Variants in PAG1 observed in about 807,000 individuals in gnomAD.
PAG1 encodes the protein phosphoprotein associated with glycosphingolipid-enriched microdomains 1.
In PAG1, 23 loss-of-function variants were observed where a neutral mutation model predicts 31.7. That is an observed-to-expected ratio of 0.73 (90% CI 0.52 to 1.03). The LOEUF is 1.03. Ranked by LOEUF, PAG1 falls within the 50% of genes least tolerant of loss-of-function variation. PAG1 has a pLI of 0.00. For missense variants in PAG1, 473 were observed against 540.7 expected, an observed-to-expected ratio of 0.87 and a Z score of 1.24; for synonymous variants, 214 against 210.3, an observed-to-expected ratio of 1.02 and a Z score of -0.15.
In PAG1 at chr8:80,967,925, A is replaced by G. The variant is rs1273076681; in HGVS notation, c.*8619T>C. On this transcript the variant is annotated 3_prime_UTR_variant, in exon 9 of 9. Coordinates refer to ENST00000220597, the MANE Select transcript of PAG1 (RefSeq NM_018440.4). ...TAATCATACTTTTATATATAGCTTG[A>G]ATAAGTTTTATTACATGTAAACTAT... 2.6e-5 allele frequency: 4 copies of G among 152,256 alleles called. No individual in the cohort carries two copies. The highest frequency in any genetic ancestry group is 4.4e-5 in the Non-Finnish European group (3 of 68,048). 9.4% of individuals were successfully genotyped at this position (152,256 alleles called of 1,614,324 possible). A position where few individuals can be genotyped will look rare whatever the true frequency, so the allele number is the denominator to read the frequency against.
chr8:81,035,722 G>C (rs1283339720), intron 2 of PAG1, among the ~76,000 whole-genome samples: 3 of 152,120 alleles, frequency 2.0e-5, no homozygotes, highest in Non-Finnish European at 4.4e-5. Flanking sequence ...TCTTCTAAAA[G>C]ATCAAGCTCA....
intron 1 of PAG1, among the ~76,000 whole-genome samples, chr8:81,086,013 G>T (rs1010839014): frequency 1.0e-5 from 1 of 100,252 alleles, no homozygotes; most frequent in Non-Finnish European, 1.7e-5. Flanking sequence ...ACGGAGTCTC[G>T]CTCTGTCGCC....
intron 1 of PAG1, among the ~76,000 whole-genome samples, chr8:81,080,032 A>T (rs915041630): frequency 1.3e-5 from 2 of 152,098 alleles, no homozygotes; most frequent in African/African-American, 2.4e-5. Context: ...GGCCTCCCAA[A>T]GTGCTGGGAT....
rs1257933805 is a variant in PAG1, at chr8:80,990,044, C to T, written c.177+1435G>A. On this transcript the variant is annotated intron_variant, in intron 5 of 8. Transcript: ENST00000220597. This position sits in a 1 kb window ranked among gnomAD's most constrained non-coding sequence, Gnocchi z 5.1. ...GGGGCGTTCCCTCCATCCCTCCCAC[C>T]CTCCCTGCTGAGGCCACCACAGCAG... Among the ~76,000 whole-genome samples, 1 of 152,010 alleles carries T rather than the reference C, an allele frequency of 6.6e-6. No homozygotes were observed. The highest frequency in any genetic ancestry group is 1.5e-5 in the Non-Finnish European group (1 of 67,988).
rs995977221 is a variant in PAG1, at chr8:80,968,068, A to G, written c.*8476T>C. The G allele has an allele frequency of 6.6e-6, 1 of 152,232 alleles. No individual in the cohort carries two copies. Among genetic ancestry groups the G allele is most frequent in the African/African-American group, 2.4e-5 (1 of 41,456 alleles). 9.4% of individuals were successfully genotyped at this position (152,232 alleles called of 1,614,324 possible). A position where few individuals can be genotyped will look rare whatever the true frequency, so the allele number is the denominator to read the frequency against. The stretch of plus-strand genomic sequence containing the variant: ...CTCAGGTACCATTACTGGTTGAATG[A>G]TCAAGATCTGGCCACAGAAGAGAAG... On this transcript the variant is annotated 3_prime_UTR_variant, in exon 9 of 9. Transcript: ENST00000220597.
At chr8:80,979,737 T>C (rs796439564) in intron 8 of PAG1, among the ~76,000 whole-genome samples, 13 of 152,344 alleles carry the variant, frequency 8.5e-5, no homozygotes, top group African/African-American at 3.1e-4. Flanking sequence ...TATATACAGC[T>C]AGATCAATTA....
At chr8:81,091,583 ACAACAT>A (rs1424368172) in intron 1 of PAG1, among the ~76,000 whole-genome samples, 2 of 152,166 alleles carry the variant, frequency 1.3e-5, no homozygotes, top group Non-Finnish European at 2.9e-5. Flanking sequence ...CCATTATACT[ACAACAT>A]AGAAAAGATA....
chr8:81,110,672 C>T (rs554628005), intron 1 of PAG1, among the ~76,000 whole-genome samples: 155 of 152,348 alleles, frequency 1.0e-3, no homozygotes, highest in Non-Finnish European at 1.8e-3. Flanking sequence ...TCTGCATGCT[C>T]TCTGCACAAT....
chr8:81,076,391 A>C (rs4394343), intron 1 of PAG1, among the ~76,000 whole-genome samples: 11,257 of 152,238 alleles, frequency 0.074, 1,401 homozygotes, highest in African/African-American at 0.25. Flanking sequence ...GATGGGCCTG[A>C]GGTCCTTGGG....
chr8:81,013,924 C>T (rs1469265111), intron 3 of PAG1, among the ~76,000 whole-genome samples: 1 of 152,172 alleles, frequency 6.6e-6, no homozygotes, highest in Non-Finnish European at 1.5e-5. Context: ...AATATAAATT[C>T]TCTACAGTGC....
In PAG1 at chr8:80,992,401, G is replaced by A. The variant is rs577085466; in HGVS notation, c.125+702C>T. On this transcript the variant is annotated intron_variant, in intron 4 of 8. Coordinates refer to ENST00000220597, the MANE Select transcript of PAG1 (RefSeq NM_018440.4). ...GAGAGTTTGGACAGGGCTGGCTGAC[G>A]GTCAGCTGGTCTGCATGGGCCTCTG... Among the ~76,000 whole-genome samples, 19 of 152,292 alleles carry A rather than the reference G, an allele frequency of 1.2e-4. No individual in the cohort carries two copies. In the South Asian group the frequency reaches 3.5e-3, roughly 28 times the overall value.
At chr8:81,104,545 T>G (rs1224002729) in intron 1 of PAG1, among the ~76,000 whole-genome samples, 1 of 152,158 alleles carries the variant, frequency 6.6e-6, no homozygotes, top group African/African-American at 2.4e-5. Context: ...GCATCTCAGG[T>G]CCTGAATGTC....
chr8:80,985,253 C>A lies in PAG1; in HGVS notation c.399G>T (p.Leu133=). The change falls in exon 7 of 9, where the codon CTG becomes CTT. Residue 133 remains leucine (L), a synonymous_variant. Coordinates refer to ENST00000220597, the MANE Select transcript of PAG1 (RefSeq NM_018440.4). ...GKPKCHQSRE[L]PRIPPESAVD... ...CTGCGCTCTCGGGAGGGATTCTGGG[C>A]AGCTCCCGACTCTGATGACATTTTG... is the stretch of plus-strand genomic sequence containing the variant. The A allele has an allele frequency of 6.2e-7, 1 of 1,614,144 alleles. No individual in the cohort carries two copies. The highest frequency in any genetic ancestry group is 8.5e-7 in the Non-Finnish European group (1 of 1,180,018).
In PAG1 at chr8:81,049,551, T is replaced by C. The variant is rs1011637555; in HGVS notation, c.-174-19462A>G. Among the ~76,000 whole-genome samples, 6 of 152,358 alleles carry C rather than the reference T, an allele frequency of 3.9e-5. No individual in the cohort carries two copies. The East Asian group carries it at 1.2e-3, about 29-fold the overall frequency. ...CAAATAATGTATGATAAATTGCTAA[T>C]GTGTCCTCAATTTTACTGTGAGTGC... On this transcript the variant is annotated intron_variant, in intron 2 of 8. Coordinates refer to ENST00000220597, the MANE Select transcript of PAG1 (RefSeq NM_018440.4).
rs569339373 is a variant in PAG1, at chr8:81,015,966, C to T, written c.-81+14030G>A. 2.0e-5 allele frequency among the ~76,000 whole-genome samples: 3 copies of T among 152,302 alleles called. No homozygotes were observed. The South Asian group carries it at 6.2e-4, about 32-fold the overall frequency. ...CCCACATGCTTTGAATGATTCTACT[C>T]TCACTCTGGAATTCTGCTGATCCTC... On this transcript the variant is annotated intron_variant, in intron 3 of 8. Transcript: ENST00000220597.
intron 2 of PAG1, chr8:81,039,288 A>C (rs2705496): frequency 6.6e-6 from 1 of 152,220 alleles, no homozygotes; most frequent in African/African-American, 2.4e-5. Flanking sequence ...CAGATATACC[A>C]TAAGTAGTTA....
At chr8:80,977,373 G>C (rs1206851211) in intron 8 of PAG1, among the ~76,000 whole-genome samples, 1 of 152,210 alleles carries the variant, frequency 6.6e-6, no homozygotes, top group Non-Finnish European at 1.5e-5. Flanking sequence ...TGTCAGAAAG[G>C]CAAGTTCTCA....
chr8:81,090,012 CA>C (rs2131059560), intron 1 of PAG1, among the ~76,000 whole-genome samples: 1 of 152,256 alleles, frequency 6.6e-6, no homozygotes, highest in African/African-American at 2.4e-5. Flanking sequence ...TTATGCATTT[CA>C]ATAGTTCTAT....
Position 81,093,347 on chromosome 8 carries a change from G to T in PAG1, c.-234+18244C>A, listed in dbSNP as rs192907845. 1.9e-3 allele frequency among the ~76,000 whole-genome samples: 282 copies of T among 152,278 alleles called. 1 individual carries two copies. The highest frequency in any genetic ancestry group is 2.8e-3 in the Admixed American group (43 of 15,306). Reference sequence around the variant, plus strand: ...AATGAAGACCCATGTATAATTAATGGTATGTTCATTTTACTTCACATAATA... The same window carrying T: ...AATGAAGACCCATGTATAATTAATGTTATGTTCATTTTACTTCACATAATA... On this transcript the variant is annotated intron_variant, in intron 1 of 8. Transcript: ENST00000220597.
Sources: allele counts gnomAD v4.1 joint callset (sites outside exome capture counted in the v4.1 genomes callset), GRCh38; gene constraint gnomAD v4.1.1; non-coding constraint Gnocchi (gnomAD v3.1); transcripts MANE v1.5; gene names NCBI Gene and HGNC (gene_info 2026-07-23, HGNC 2026-07-21).